KCNN2: variants seen among roughly 807,000 people sequenced by gnomAD.
KCNN2 encodes the protein small conductance calcium-activated potassium channel protein 2.
A neutral mutation model predicts 55.5 loss-of-function variants in KCNN2; 24 were observed. The ratio of observed to expected loss-of-function variants is 0.43; its 90% CI spans 0.31 to 0.61. KCNN2 has a LOEUF of 0.61. KCNN2 is among the 20% of genes least tolerant of loss of function. The pLI, the probability that KCNN2 is intolerant of heterozygous loss-of-function variation, is 0.08. For synonymous variants in KCNN2, 431 were observed against 336.1 expected (o/e 1.28, Z -3.09); for missense variants, 754 against 853.6 (o/e 0.88, Z 1.45).
At chr5:114,269,922 G>A (rs906616188) in intron 2 of KCNN2, among the ~76,000 whole-genome samples, 5 of 152,142 alleles carry the variant, frequency 3.3e-5, no homozygotes, top group Admixed American at 6.5e-5. Flanking sequence ...CCACTAGACC[G>A]TTTCAGAATA....
chr5:114,108,314 G>T (rs1751529234), intron 1 of KCNN2, among the ~76,000 whole-genome samples: 1 of 151,926 alleles, frequency 6.6e-6, no homozygotes, highest in Non-Finnish European at 1.5e-5. Context: ...TAAAATGGAA[G>T]ACATTGTTAA....
chr5:114,093,159 C>T (rs1454225978), intron 1 of KCNN2, among the ~76,000 whole-genome samples: 1 of 152,148 alleles, frequency 6.6e-6, no homozygotes, highest in Non-Finnish European at 1.5e-5. Context: ...TGAACTCTCT[C>T]AAGTTCAAGT....
Position 114,165,431 on chromosome 5 carries a change from A to G in KCNN2, c.-270-56049A>G, listed in dbSNP as rs1349471654. ...AAAATTTATTTATGATCTTACGGCC[A>G]CTTTGCAAAAACAGTTGTGAAACAA... is the stretch of plus-strand genomic sequence containing the variant. On this transcript the variant is annotated intron_variant, in intron 1 of 10. Transcript: ENST00000512097. Among the ~76,000 whole-genome samples the G allele has an allele frequency of 2.0e-5, 3 of 152,308 alleles. No homozygotes were observed. In the South Asian group the frequency reaches 6.2e-4, roughly 32 times the overall value.
chr5:114,101,414 CTTT>C (rs10545440), intron 1 of KCNN2, among the ~76,000 whole-genome samples: 10 of 130,310 alleles, frequency 7.7e-5, no homozygotes, highest in Middle Eastern at 3.8e-3. Context: ...CTATGGTTTT[CTTT>C]TTTTTTTTTT....
chr5:114,111,343 A>T (rs1010988740), intron 1 of KCNN2, among the ~76,000 whole-genome samples: 2 of 152,226 alleles, frequency 1.3e-5, no homozygotes, highest in African/African-American at 4.8e-5. Flanking sequence ...AGATAGATTA[A>T]AGACTTCAAT....
rs921008399 is a variant in KCNN2 at position 114,367,607 on chromosome 5, A to T, written c.1218+3606A>T. ...AAGTAGCCTTCCTACCTCAAGTCTCAAGGTCAAATTATAGGTAAAACAGAA... is the reference window on the plus strand; with the variant it reads ...AAGTAGCCTTCCTACCTCAAGTCTCTAGGTCAAATTATAGGTAAAACAGAA... On this transcript the variant is annotated intron_variant, in intron 2 of 7. Coordinates refer to ENST00000673685, the MANE Select transcript of KCNN2 (RefSeq NM_021614.4). Among the ~76,000 whole-genome samples the T allele has an allele frequency of 3.3e-5, 5 of 152,140 alleles. 1 individual carries two copies.
At chr5:114,056,696 A>T (rs1750216407) in intron 1 of KCNN2, among the ~76,000 whole-genome samples, 1 of 152,118 alleles carries the variant, frequency 6.6e-6, no homozygotes, top group South Asian at 2.1e-4. Flanking sequence ...GGCTATATTC[A>T]GCATTTGAGA....
At chr5:114,395,646 G>A (rs1241281843) in intron 2 of KCNN2, among the ~76,000 whole-genome samples, 1 of 152,320 alleles carries the variant, frequency 6.6e-6, no homozygotes, top group African/African-American at 2.4e-5. Flanking sequence ...CAATGAATGA[G>A]TGTTGAATAC....
intron 1 of KCNN2, among the ~76,000 whole-genome samples, chr5:114,118,411 G>A (rs1751761165): frequency 6.6e-6 from 1 of 152,130 alleles, no homozygotes; most frequent in Non-Finnish European, 1.5e-5. Context: ...CTGCAAGTTG[G>A]AGACCCGGGA....
intron 2 of KCNN2, among the ~76,000 whole-genome samples, chr5:114,382,294 C>T (rs1758148346): frequency 1.3e-5 from 2 of 152,202 alleles, no homozygotes; most frequent in African/African-American, 4.8e-5. Flanking sequence ...TGGCATCCAT[C>T]GTCTCTAACT....
rs958299380 is a variant in KCNN2, at chr5:114,227,079, A to G, written c.-185+5514A>G. 5.9e-5 allele frequency among the ~76,000 whole-genome samples: 9 copies of G among 151,964 alleles called. No homozygotes were observed. The East Asian group carries it at 1.7e-3, about 29-fold the overall frequency. On this transcript the variant is annotated intron_variant, in intron 2 of 10. Transcript: ENST00000512097. ...TCAGTCCAAAAGACTATTTTAATTC[A>G]CTCGTAATTCTTATTACTGTCTGAA...
Position 114,159,555 on chromosome 5 carries a change from T to C in KCNN2, c.-270-61925T>C, listed in dbSNP as rs150225998. Among the ~76,000 whole-genome samples the C allele has an allele frequency of 8.0e-3, 1,222 of 152,278 alleles. 12 individuals are homozygous for C. Among genetic ancestry groups the C allele is most frequent in the African/African-American group, 0.027 (1,139 of 41,530 alleles). On this transcript the variant is annotated intron_variant, in intron 1 of 10. Coordinates refer to the KCNN2 transcript ENST00000512097. ...GAAGGATTCCCTCTTTTTCTATTGA[T>C]TGGGATAGTTTCTGAAGGAATGGTA...
At chr5:114,190,826 A>T (rs995514334) in intron 1 of KCNN2, among the ~76,000 whole-genome samples, 2 of 152,186 alleles carry the variant, frequency 1.3e-5, no homozygotes, top group African/African-American at 4.8e-5. Flanking sequence ...TGGAATAGCT[A>T]TGGTACTTCT....
At chr5:114,247,201 C>A (rs1383050359) in intron 2 of KCNN2, among the ~76,000 whole-genome samples, 1 of 64,970 alleles carries the variant, frequency 1.5e-5, no homozygotes, top group Non-Finnish European at 2.8e-5. Context: ...CCATATGTCT[C>A]CAAAAAAAAA....
chr5:114,079,197 T>G (rs1017046379), intron 1 of KCNN2, among the ~76,000 whole-genome samples: 1 of 152,210 alleles, frequency 6.6e-6, no homozygotes, highest in East Asian at 1.9e-4. Flanking sequence ...TTCTGCTTCA[T>G]CAATCCAGAG....
chr5:114,124,349 A>G (rs190378980), intron 1 of KCNN2, among the ~76,000 whole-genome samples: 31 of 152,316 alleles, frequency 2.0e-4, no homozygotes, highest in Admixed American at 1.8e-3. Flanking sequence ...AAAATCACAG[A>G]ACAAATGCCA....
At chr5:114,094,760 T>C (rs1333315795) in intron 1 of KCNN2, among the ~76,000 whole-genome samples, 1 of 152,158 alleles carries the variant, frequency 6.6e-6, no homozygotes, top group Non-Finnish European at 1.5e-5. Context: ...CTAAGATCTG[T>C]TGCATACTTC....
chr5:114,134,152 C>T (rs1449187043), intron 1 of KCNN2, among the ~76,000 whole-genome samples: 1 of 151,782 alleles, frequency 6.6e-6, no homozygotes, highest in African/African-American at 2.4e-5. Flanking sequence ...AAGCTCAGGG[C>T]TAAGGCCGGC....
rs1561525549 is a variant in KCNN2 at position 114,213,882 on chromosome 5, C to T, written c.-270-7598C>T. Among the ~76,000 whole-genome samples, 5 of 152,064 alleles carry T rather than the reference C, an allele frequency of 3.3e-5. No homozygotes were observed. The South Asian group carries it at 6.2e-4, about 19-fold the overall frequency. ...AAGTTCAAAGCTCTTGTTCTCTGTA[C>T]TGAACTGCTTCACAAGAAAGAGTTC... On this transcript the variant is annotated intron_variant, in intron 1 of 10. Transcript: ENST00000512097.
Sources: allele counts gnomAD v4.1 joint callset (sites outside exome capture counted in the v4.1 genomes callset), GRCh38; gene constraint gnomAD v4.1.1; transcripts MANE v1.5; gene names NCBI Gene and HGNC (gene_info 2026-07-23, HGNC 2026-07-21).